The following TXNRD1 variants were observed in gnomAD, a reference collection of about 807,000 sequenced individuals.
TXNRD1 encodes thioredoxin reductase 1.
TXNRD1 carries 57 observed loss-of-function variants against 80.3 expected under a neutral mutation model. That is an observed-to-expected ratio of 0.71 (90% CI 0.57 to 0.89). The LOEUF is 0.89. TXNRD1 is among the 40% of genes least tolerant of loss of function. The probability of loss-of-function intolerance (pLI) is 0.00; values close to 1 mark genes in which losing one functional copy is unlikely to be tolerated. For synonymous variants in TXNRD1, 291 were observed against 285.2 expected, an observed-to-expected ratio of 1.02 and a Z score of -0.20; for missense variants, 730 against 803.0, an observed-to-expected ratio of 0.91 and a Z score of 1.10.
At chr12:104,317,843 A>G (rs1565899160) in intron 7 of TXNRD1, among the ~76,000 whole-genome samples, 1 of 152,204 alleles carries the variant, frequency 6.6e-6, no homozygotes, top group Non-Finnish European at 1.5e-5. Flanking sequence ...CTGTCTCTAA[A>G]GAAGAGATTA....
intron 3 of TXNRD1, chr12:104,284,517 A>T (rs1472903669): frequency 6.6e-6 from 1 of 152,172 alleles, no homozygotes; most frequent in Non-Finnish European, 1.5e-5. Context: ...ATACAATAGG[A>T]GCCTTTATCA....
chr12:104,290,691 T>C (rs1433952983), intron 4 of TXNRD1, among the ~76,000 whole-genome samples: 5 of 103,922 alleles, frequency 4.8e-5, no homozygotes, highest in African/African-American at 1.4e-4. Context: ...AGTGAGACCC[T>C]GTCTCAAAAA....
At chr12:104,329,585 G>A (rs1199099462) in intron 13 of TXNRD1, among the ~76,000 whole-genome samples, 2 of 151,958 alleles carry the variant, frequency 1.3e-5, no homozygotes, top group African/African-American at 4.8e-5. Context: ...GGAGGTGAAG[G>A]CTGCAGTGAG....
chr12:104,251,606 C>G lies in TXNRD1; in HGVS notation c.171C>G (p.Ala57=), dbSNP rs73180108. 55,299 of 1,613,882 alleles carry G rather than the reference C, an allele frequency of 0.034. 1,648 individuals carry two copies. The highest frequency in any genetic ancestry group is 0.035 in the Non-Finnish European group (41,025 of 1,179,840). The part of the protein sequence containing the change: ...FTSTATADSR[A]LLQAYIDGHS... Reference sequence around the variant, plus strand: ...GCACGGCCACTGCAGACTCCAGAGCCCTGCTTCAGGCCTATATAGATGGTC... The same window carrying G: ...GCACGGCCACTGCAGACTCCAGAGCGCTGCTTCAGGCCTATATAGATGGTC... The change falls in exon 2 of 17, where the codon GCC becomes GCG. Residue 57 remains alanine (A), a synonymous_variant. Coordinates refer to ENST00000525566, the MANE Select transcript of TXNRD1 (RefSeq NM_001093771.3).
intron 1 of TXNRD1, among the ~76,000 whole-genome samples, chr12:104,237,287 A>G (rs909263337): frequency 6.6e-6 from 1 of 152,190 alleles, no homozygotes; most frequent in Non-Finnish European, 1.5e-5. Flanking sequence ...TCAGAGAAGC[A>G]TGCTCTGCGC....
At chr12:104,265,669 G>A (rs1456663305) in intron 3 of TXNRD1, 4 of 1,605,374 alleles carry the variant, frequency 2.5e-6, no homozygotes, top group African/African-American at 1.3e-5. Flanking sequence ...CCGCGCCCGA[G>A]CCCACTCCAT....
chr12:104,301,445 C>G (rs186282342), intron 4 of TXNRD1, among the ~76,000 whole-genome samples: 2 of 152,300 alleles, frequency 1.3e-5, no homozygotes. Flanking sequence ...TCAGGCTAGT[C>G]TCCTGCCTCA....
At chr12:104,271,116 T>G (rs2033642717) in intron 3 of TXNRD1, among the ~76,000 whole-genome samples, 1 of 151,814 alleles carries the variant, frequency 6.6e-6, no homozygotes, top group African/African-American at 2.4e-5. Flanking sequence ...TTATTTCACC[T>G]GGGTGCAGGC....
intron 4 of TXNRD1, chr12:104,305,080 A>G: frequency 5.9e-6 from 5 of 847,506 alleles, no homozygotes; most frequent in Non-Finnish European, 8.5e-6. Context: ...TGTGCAGCAT[A>G]TTTTTCTTAG....
intron 4 of TXNRD1, among the ~76,000 whole-genome samples, chr12:104,299,970 G>A (rs1182476278): frequency 6.6e-6 from 1 of 152,166 alleles, no homozygotes; most frequent in Non-Finnish European, 1.5e-5. Flanking sequence ...AAGTGTATAT[G>A]TTAGAGTGTG....
chr12:104,330,883 C>T (rs1035681841), intron 13 of TXNRD1, among the ~76,000 whole-genome samples: 2 of 152,014 alleles, frequency 1.3e-5, no homozygotes, highest in Non-Finnish European at 2.9e-5. Context: ...CCACTGCGCC[C>T]GGCCCTAATT....
chr12:104,341,867 G>C (rs779187456), intron 16 of TXNRD1, among the ~76,000 whole-genome samples: 1 of 152,174 alleles, frequency 6.6e-6, no homozygotes, highest in African/African-American at 2.4e-5. Context: ...AAGTCAAGGG[G>C]TTCCCATGAT....
At chr12:104,233,096 G>T (rs2032660067) in intron 1 of TXNRD1, among the ~76,000 whole-genome samples, 1 of 152,148 alleles carries the variant, frequency 6.6e-6, no homozygotes, top group Admixed American at 6.6e-5. Flanking sequence ...GGAATGCCTG[G>T]GCATTTTCAG....
intron 3 of TXNRD1, among the ~76,000 whole-genome samples, chr12:104,259,545 G>A (rs143876371): frequency 0.029 from 4,233 of 145,658 alleles, 199 homozygotes; most frequent in African/African-American, 0.1. Context: ...AGGCTGGAGT[G>A]CAATGGTGCG....
At chr12:104,222,723 C>G (rs182335033) in intron 1 of TXNRD1, among the ~76,000 whole-genome samples, 1 of 152,126 alleles carries the variant, frequency 6.6e-6, no homozygotes, top group African/African-American at 2.4e-5. Flanking sequence ...TGGTGGCATG[C>G]GCATGTAATC....
At chr12:104,342,821 T>A (rs540315253) in intron 16 of TXNRD1, among the ~76,000 whole-genome samples, 1 of 152,238 alleles carries the variant, frequency 6.6e-6, no homozygotes, top group East Asian at 1.9e-4. Flanking sequence ...GAAACATTCC[T>A]CCAGCTGCAC....
At chr12:104,254,644 A>AAAAAAAAAAAAAAAAAAAAAAATAT in intron 2 of TXNRD1, among the ~76,000 whole-genome samples, 1 of 93,638 alleles carries the variant, frequency 1.1e-5, no homozygotes, top group Non-Finnish European at 1.9e-5. Context: ...AAAAAAAAAA[A>AAAAAAAAAAAAAAAAAAAAAAATAT]ATATATATAT....
Position 104,265,567 on chromosome 12 carries a change from C to T in TXNRD1, c.304+7488C>T, listed in dbSNP as rs1361748949. On this transcript the variant is annotated intron_variant, in intron 3 of 16. Coordinates refer to ENST00000525566, the MANE Select transcript of TXNRD1 (RefSeq NM_001093771.3). The stretch of plus-strand genomic sequence containing the variant: ...CAGGATCTGGCTGCGCTATGACTCC[C>T]GGAGCGGCACCCACAACATGTACCG... 7.5e-6 allele frequency: 12 copies of T among 1,608,166 alleles called. No individual in the cohort carries two copies. The East Asian group carries it at 1.1e-4, about 15-fold the overall frequency.
intron 3 of TXNRD1, among the ~76,000 whole-genome samples, chr12:104,283,231 C>G (rs769388052): frequency 1.3e-4 from 20 of 152,196 alleles, no homozygotes; most frequent in Admixed American, 1.0e-3. Flanking sequence ...CTTCTCTTCT[C>G]TTCACACTGT....
Sources: allele counts gnomAD v4.1 joint callset (sites outside exome capture counted in the v4.1 genomes callset), GRCh38; gene constraint gnomAD v4.1.1; transcripts MANE v1.5; gene names NCBI Gene and HGNC (gene_info 2026-07-23, HGNC 2026-07-21).